Variants in HSD17B14 observed in about 807,000 individuals in gnomAD.
HSD17B14 encodes the protein L-fucose dehydrogenase.
HSD17B14 carries 32 observed loss-of-function variants against 32.2 expected under a neutral mutation model. The observed-to-expected ratio is 0.99, with a 90% CI of 0.75 to 1.33. The LOEUF (loss-of-function observed/expected upper bound fraction) is 1.33, where lower values mean the gene tolerates loss of function less well. HSD17B14 is among the 40% of genes most tolerant of loss of function. HSD17B14 has a pLI of 0.00. For missense variants in HSD17B14, 370 were observed against 366.5 expected (o/e 1.01, Z -0.08); for synonymous variants, 140 against 155.4 (o/e 0.90, Z 0.74).
Position 48,834,357 on chromosome 19 carries a change from C to T in HSD17B14, c.129G>A (p.Glu43=). ...CCTGCTCCAGGGCCCGGCCCCCAGA[C>T]TCTGCAGGGAGAGAAGAGCTGGGAG... ...GARVVICDKD[E]SGGRALEQEL... The change falls in exon 3 of 9, where the codon GAG becomes GAA. Residue 43 remains glutamate, a splice_region_variant and synonymous_variant. Coordinates refer to ENST00000263278, the MANE Select transcript of HSD17B14 (RefSeq NM_016246.3). The T allele has an allele frequency of 6.2e-7, 1 of 1,612,286 alleles. No homozygotes were observed. The highest frequency in any genetic ancestry group is 8.5e-7 in the Non-Finnish European group (1 of 1,178,742).
chr19:48,833,467 G>A (rs1271432565), intron 3 of HSD17B14, among the ~76,000 whole-genome samples: 3 of 152,096 alleles, frequency 2.0e-5, no homozygotes, highest in Non-Finnish European at 4.4e-5. Context: ...TGAGGTGGGC[G>A]GATCACCTGA....
In HSD17B14 at chr19:48,834,352, C is replaced by T. The variant is rs781385843; in HGVS notation, c.134G>A (p.Gly45Glu). 2.8e-5 allele frequency: 45 copies of T among 1,613,486 alleles called. No individual in the cohort carries two copies. The highest frequency in any genetic ancestry group is 2.5e-4 in the Admixed American group (15 of 60,006). ...GAGCTCCTGCTCCAGGGCCCGGCCC[C>T]CAGACTCTGCAGGGAGAGAAGAGCT... ...RVVICDKDES[G>E]GRALEQELPG... Residue 45 changes from glycine (G) to glutamate (E), a missense_variant, in exon 3 of 9, where the codon GGG becomes GAG. Physicochemically the swap from Gly to Glu is moderately conservative, Grantham distance 98. Transcript: ENST00000263278.
At position 48,813,343 on chromosome 19, in the gene HSD17B14, C is replaced by T. The variant is rs1361818303; in HGVS notation, c.645G>A (p.Leu215=). The T allele has an allele frequency of 6.3e-7, 1 of 1,578,352 alleles. No individual in the cohort carries two copies. The highest frequency in any genetic ancestry group is 8.6e-7 in the Non-Finnish European group (1 of 1,161,930). Reference sequence around the variant, plus strand: ...CCTCAGCGGGCTGGCCCATGCGGCCCAGTGGCTGGGGAGAAAAGAGGGGGG... The same window carrying T: ...CCTCAGCGGGCTGGCCCATGCGGCCTAGTGGCTGGGGAGAAAAGAGGGGGG... The part of the protein sequence containing the change: ...TIREGMLAQP[L]GRMGQPAEVG... Residue 215 remains leucine (L), a synonymous_variant, in exon 9 of 9, where the codon CTG becomes CTA. Transcript: ENST00000263278.
At chr19:48,824,980 C>T (rs889044802) in intron 5 of HSD17B14, among the ~76,000 whole-genome samples, 3 of 151,528 alleles carry the variant, frequency 2.0e-5, no homozygotes. Context: ...CGGTGGCTCA[C>T]GCCTCCCAGC....
intron 5 of HSD17B14, among the ~76,000 whole-genome samples, chr19:48,829,383 ACT>A (rs1296922532): frequency 6.9e-6 from 1 of 144,166 alleles, no homozygotes; most frequent in African/African-American, 2.6e-5. Flanking sequence ...AAAGAGTTTC[ACT>A]CTGTCACCCA....
chr19:48,828,897 T>C (rs2035292796), intron 5 of HSD17B14, among the ~76,000 whole-genome samples: 2 of 151,780 alleles, frequency 1.3e-5, no homozygotes, highest in African/African-American at 2.4e-5. Flanking sequence ...TCGTCTCTAC[T>C]AAAAATACAA....
At chr19:48,827,823 C>T (rs1475380620) in intron 5 of HSD17B14, among the ~76,000 whole-genome samples, 1 of 149,136 alleles carries the variant, frequency 6.7e-6, no homozygotes, top group South Asian at 2.1e-4. Flanking sequence ...CAGGTGTGAG[C>T]CACCGTGACC....
intron 5 of HSD17B14, among the ~76,000 whole-genome samples, chr19:48,816,917 C>T (rs1471589348): frequency 6.6e-6 from 1 of 151,404 alleles, no homozygotes; most frequent in Non-Finnish European, 1.5e-5. Flanking sequence ...CTCATTGCAA[C>T]CTCCACTTCC....
At position 48,825,606 on chromosome 19, in the gene HSD17B14, A is replaced by T. The variant is rs2035230610; in HGVS notation, c.369+6062T>A. 2.0e-5 allele frequency among the ~76,000 whole-genome samples: 3 copies of T among 151,878 alleles called. No homozygotes were observed. The South Asian group carries it at 6.3e-4, about 32-fold the overall frequency. ...GATTGCAGCATGATAAATATTGATA[A>T]GAGTTTCATGGGTATTTAATCTAAT... On this transcript the variant is annotated intron_variant, in intron 5 of 8. Transcript: ENST00000263278.
rs1428116859 is a variant in HSD17B14 at position 48,829,665 on chromosome 19, G to A, written c.369+2003C>T. Among the ~76,000 whole-genome samples, 8 of 103,838 alleles carry A rather than the reference G, an allele frequency of 7.7e-5. No individual in the cohort carries two copies. In the Admixed American group the frequency reaches 8.4e-4, roughly 11 times the overall value. The allele number at this position is 103,838 out of a possible 152,430, so 68.1% of individuals were successfully genotyped here. ...TTTTTTTTTTTTTTTTTTGTGAGACGGAGTTTCCGCTCTTATTGCCCAGGC... is the reference window on the plus strand; with the variant it reads ...TTTTTTTTTTTTTTTTTTGTGAGACAGAGTTTCCGCTCTTATTGCCCAGGC... On this transcript the variant is annotated intron_variant, in intron 5 of 8. Transcript: ENST00000263278.
intron 5 of HSD17B14, among the ~76,000 whole-genome samples, chr19:48,827,986 C>T (rs1003988678): frequency 3.7e-4 from 56 of 151,758 alleles, no homozygotes; most frequent in African/African-American, 1.3e-3. Flanking sequence ...TCCCAAGTAG[C>T]TGGGACTACA....
At chr19:48,822,305 GTGA>G (rs1470332354) in intron 5 of HSD17B14, among the ~76,000 whole-genome samples, 44 of 150,116 alleles carry the variant, frequency 2.9e-4, no homozygotes, top group African/African-American at 1.1e-3. Flanking sequence ...GGTGGTGATG[GTGA>G]TGATTGTGGC....
At chr19:48,817,411 T>C (rs1384027747) in intron 5 of HSD17B14, among the ~76,000 whole-genome samples, 1 of 151,894 alleles carries the variant, frequency 6.6e-6, no homozygotes, top group Non-Finnish European at 1.5e-5. Flanking sequence ...ACTCCTGAGG[T>C]CAAGTAATCT....
At chr19:48,823,226 A>AT (rs1464331609) in intron 5 of HSD17B14, among the ~76,000 whole-genome samples, 1 of 152,140 alleles carries the variant, frequency 6.6e-6, no homozygotes, top group Non-Finnish European at 1.5e-5. Flanking sequence ...CCTGGACAAA[A>AT]TGGTGAGACT....
chr19:48,813,439 C>G lies in HSD17B14; in HGVS notation c.639+17G>C. The G allele has an allele frequency of 6.3e-7, 1 of 1,594,170 alleles. No homozygotes were observed. The highest frequency in any genetic ancestry group is 8.5e-7 in the Non-Finnish European group (1 of 1,170,220). ...CCATGCCACCTTCTACCACCTGGATCTGAACCCCACTTCTACCTGGGCCAG... is the reference window on the plus strand; with the variant it reads ...CCATGCCACCTTCTACCACCTGGATGTGAACCCCACTTCTACCTGGGCCAG... On this transcript the variant is annotated intron_variant, in intron 8 of 8. Coordinates refer to ENST00000263278, the MANE Select transcript of HSD17B14 (RefSeq NM_016246.3).
intron 1 of HSD17B14, 140 bp from the exon 2 acceptor site, chr19:48,835,983 G>A (rs1212349674): frequency 5.0e-5 from 36 of 720,918 alleles, no homozygotes; most frequent in African/African-American, 1.8e-4. Flanking sequence ...ACAGAGGGCA[G>A]ACGCCTTGAC....
chr19:48,814,233 AAGTT>A lies in HSD17B14; in HGVS notation c.475-507_475-504del, dbSNP rs2035013746. On this transcript the variant is annotated intron_variant, in intron 6 of 8. Coordinates refer to ENST00000263278, the MANE Select transcript of HSD17B14 (RefSeq NM_016246.3). ...GAAAAGAAAAGAAAAGAAAAAAAGA[AAGTT>A]AGCCGGGCACAGTGGCTCATGCCTG... 3.3e-5 allele frequency among the ~76,000 whole-genome samples: 5 copies of A among 150,854 alleles called. No individual in the cohort carries two copies. The South Asian group carries it at 8.4e-4, about 25-fold the overall frequency.
chr19:48,836,127 G>A (rs953551147), intron 1 of HSD17B14, among the ~76,000 whole-genome samples, 197 bp downstream of exon 1: 6 of 152,046 alleles, frequency 3.9e-5, no homozygotes, highest in Non-Finnish European at 8.8e-5. Context: ...CCAGAGAAAG[G>A]GGCCACTGCC....
chr19:48,827,940 C>T lies in HSD17B14; in HGVS notation c.369+3728G>A, dbSNP rs867355713. 1.1e-4 allele frequency among the ~76,000 whole-genome samples: 16 copies of T among 151,772 alleles called. 1 individual carries two copies. Among genetic ancestry groups the T allele is most frequent in the African/African-American group, 3.4e-4 (14 of 41,378 alleles). On this transcript the variant is annotated intron_variant, in intron 5 of 8. Coordinates refer to ENST00000263278, the MANE Select transcript of HSD17B14 (RefSeq NM_016246.3). The stretch of plus-strand genomic sequence containing the variant: ...TGCAATCTCGGCTCACTGCAACCTC[C>T]GCCTCCCGGGTTCACGCCATTCTCC...
Sources: allele counts gnomAD v4.1 joint callset (sites outside exome capture counted in the v4.1 genomes callset), GRCh38; gene constraint gnomAD v4.1.1; transcripts MANE v1.5; gene names NCBI Gene and HGNC (gene_info 2026-07-23, HGNC 2026-07-21).